The following PPM1H variants were observed in gnomAD, a reference collection of about 807,000 sequenced individuals.
PPM1H encodes the protein protein phosphatase, Mg2+/Mn2+ dependent 1H, also known as protein phosphatase 1H.
PPM1H carries 27 observed loss-of-function variants against 54.9 expected under a neutral mutation model. That is an observed-to-expected ratio of 0.49 (90% CI 0.36 to 0.68). The LOEUF (loss-of-function observed/expected upper bound fraction) is 0.68, where lower values mean the gene tolerates loss of function less well. Ranked by LOEUF, PPM1H falls within the 30% of genes least tolerant of loss-of-function variation. The pLI, the probability that PPM1H is intolerant of heterozygous loss-of-function variation, is 0.00. For missense variants in PPM1H, 596 were observed against 667.8 expected (o/e 0.89, Z 1.19); for synonymous variants, 305 against 270.8 (o/e 1.13, Z -1.24).
In PPM1H at chr12:62,765,991, G is replaced by A. The variant is rs534533366; in HGVS notation, c.869+22235C>T. 2.0e-5 allele frequency among the ~76,000 whole-genome samples: 3 copies of A among 152,350 alleles called. 1 individual carries two copies. The highest frequency in any genetic ancestry group is 2.0e-4 in the Admixed American group (3 of 15,308). ...ACATCACTGAAGGGCTTTCAACAAG[G>A]AAGTGGTGTGGCCACCCCACATTGT... is the stretch of plus-strand genomic sequence containing the variant. On this transcript the variant is annotated intron_variant, in intron 4 of 9. Coordinates refer to ENST00000228705, the MANE Select transcript of PPM1H (RefSeq NM_020700.2).
chr12:62,709,229 T>G (rs1361603601), intron 6 of PPM1H, among the ~76,000 whole-genome samples: 2 of 152,204 alleles, frequency 1.3e-5, no homozygotes, highest in African/African-American at 4.8e-5. Flanking sequence ...CGTTCCATGC[T>G]AGTCAGCAAA....
intron 9 of PPM1H, among the ~76,000 whole-genome samples, chr12:62,653,399 G>C (rs766869749): frequency 2.0e-5 from 3 of 152,014 alleles, no homozygotes; most frequent in Non-Finnish European, 2.9e-5. Flanking sequence ...ACTCCCTTTA[G>C]CAGTTTACTA....
At chr12:62,648,709 A>AGG in intron 9 of PPM1H, 73 bp from the exon 10 acceptor site, 1 of 1,495,394 alleles carries the variant, frequency 6.7e-7, no homozygotes. Context: ...GAGGCTGGGA[A>AGG]GGGGGAGGCA....
intron 8 of PPM1H, among the ~76,000 whole-genome samples, chr12:62,687,273 C>T (rs2076058601): frequency 2.0e-5 from 3 of 152,042 alleles, no homozygotes; most frequent in African/African-American, 7.2e-5. Context: ...AATATTATTA[C>T]TATTGTTTTT....
intron 1 of PPM1H, among the ~76,000 whole-genome samples, chr12:62,903,300 G>A (rs752097934): frequency 4.6e-5 from 7 of 152,136 alleles, no homozygotes; most frequent in Non-Finnish European, 8.8e-5. Context: ...GGGTGGAAGC[G>A]TGTCAGTGGC....
intron 4 of PPM1H, among the ~76,000 whole-genome samples, chr12:62,780,359 T>C (rs2076634690): frequency 1.3e-5 from 2 of 152,242 alleles, no homozygotes; most frequent in Admixed American, 6.5e-5. Context: ...TAGAATGCAT[T>C]GGTGCAATCA....
chr12:62,693,861 A>T (rs1466145859), intron 7 of PPM1H, 75 bp downstream of exon 7: 1 of 1,326,848 alleles, frequency 7.5e-7, no homozygotes, highest in Non-Finnish European at 1.1e-6. Flanking sequence ...GAACACACGG[A>T]CTGCCACGGG....
intron 8 of PPM1H, among the ~76,000 whole-genome samples, chr12:62,685,256 A>G (rs2076045166): frequency 6.6e-6 from 1 of 152,108 alleles, no homozygotes; most frequent in Non-Finnish European, 1.5e-5. Flanking sequence ...CATTTTCCAC[A>G]ACTTCAATCT....
intron 1 of PPM1H, among the ~76,000 whole-genome samples, chr12:62,888,444 G>A (rs1870668130): frequency 6.6e-6 from 1 of 152,104 alleles, no homozygotes; most frequent in South Asian, 2.1e-4. Context: ...AAAAAAGACT[G>A]GAACCGAGAA....
intron 1 of PPM1H, among the ~76,000 whole-genome samples, chr12:62,877,868 T>C (rs1311107136): frequency 1.3e-5 from 2 of 152,322 alleles, no homozygotes; most frequent in African/African-American, 4.8e-5. Flanking sequence ...ACATTTTAAA[T>C]AAAGAAGAAA....
intron 8 of PPM1H, among the ~76,000 whole-genome samples, chr12:62,669,037 C>T (rs1321637181): frequency 6.6e-6 from 1 of 152,224 alleles, no homozygotes; most frequent in Non-Finnish European, 1.5e-5. Flanking sequence ...GCTAATGGCC[C>T]AGCACATGAG....
chr12:62,889,235 T>G (rs1870695265), intron 1 of PPM1H, among the ~76,000 whole-genome samples: 1 of 152,156 alleles, frequency 6.6e-6, no homozygotes, highest in African/African-American at 2.4e-5. Flanking sequence ...AATCAAAATT[T>G]CAGCACATTA....
chr12:62,878,179 T>C (rs1275755810), intron 1 of PPM1H, among the ~76,000 whole-genome samples: 1 of 152,208 alleles, frequency 6.6e-6, no homozygotes, highest in Non-Finnish European at 1.5e-5. Context: ...ATTACAGGCG[T>C]GAGCCACCGC....
chr12:62,704,218 T>C (rs887498634), intron 6 of PPM1H, among the ~76,000 whole-genome samples: 1 of 151,872 alleles, frequency 6.6e-6, no homozygotes, highest in Admixed American at 6.6e-5. Flanking sequence ...CAAGTCAGGG[T>C]TGTGGAGCAA....
intron 4 of PPM1H, among the ~76,000 whole-genome samples, chr12:62,783,054 A>G (rs1308895385): frequency 6.6e-6 from 1 of 151,834 alleles, no homozygotes; most frequent in East Asian, 1.9e-4. Flanking sequence ...CTGGTCTGCA[A>G]CTCTTAGGCT....
intron 1 of PPM1H, among the ~76,000 whole-genome samples, chr12:62,900,452 G>T (rs1459754974): frequency 6.6e-6 from 1 of 151,730 alleles, no homozygotes; most frequent in African/African-American, 2.4e-5. Flanking sequence ...GAGTTAATGG[G>T]TGCAGCACAC....
chr12:62,809,253 G>A (rs974173419), intron 2 of PPM1H, among the ~76,000 whole-genome samples: 8 of 152,144 alleles, frequency 5.3e-5, no homozygotes, highest in African/African-American at 1.9e-4. Flanking sequence ...GTTTCACCAT[G>A]TTGGCCAGGC....
intron 6 of PPM1H, among the ~76,000 whole-genome samples, chr12:62,697,847 T>C (rs1202488313): frequency 2.6e-5 from 4 of 152,176 alleles, no homozygotes; most frequent in Admixed American, 6.5e-5. Context: ...TATTATTTGT[T>C]ACGAGATAGC....
intron 4 of PPM1H, among the ~76,000 whole-genome samples, chr12:62,774,477 G>A (rs540078499): frequency 6.6e-6 from 1 of 152,268 alleles, no homozygotes; most frequent in Non-Finnish European, 1.5e-5. Context: ...CAGTAGCTGG[G>A]ACTACAGGTG....
Sources: allele counts gnomAD v4.1 joint callset (sites outside exome capture counted in the v4.1 genomes callset), GRCh38; gene constraint gnomAD v4.1.1; transcripts MANE v1.5; gene names NCBI Gene and HGNC (gene_info 2026-07-23, HGNC 2026-07-21).